The following SYT8 variants were observed in gnomAD, a reference collection of about 807,000 sequenced individuals.
The protein encoded by SYT8 is synaptotagmin-8.
SYT8 carries 50 observed loss-of-function variants against 34.9 expected under a neutral mutation model. The observed-to-expected ratio is 1.43, with a 90% CI of 1.14 to 1.81. The LOEUF is 1.81. Ranked by LOEUF, SYT8 falls within the 40% of genes most tolerant of loss-of-function variation. The pLI is 0.00. For missense variants in SYT8, 595 were observed against 529.0 expected, an observed-to-expected ratio of 1.12 and a Z score of -1.22; for synonymous variants, 255 against 234.2, an observed-to-expected ratio of 1.09 and a Z score of -0.81.
upstream of SYT8, chr11:1,834,263 C>CT (rs1353488786): frequency 4.0e-6 from 2 of 504,940 alleles, no homozygotes; most frequent in Admixed American, 7.2e-5. This position sits in a 1 kb window ranked among gnomAD's most constrained non-coding sequence, Gnocchi z 4.5. Context: ...GTACAGGGGC[C>CT]AGCAGCTGCG....
At position 1,835,210 on chromosome 11, in the gene SYT8, G is replaced by C; in HGVS notation, c.94+11G>C. 1 of 1,612,766 alleles carries C rather than the reference G, an allele frequency of 6.2e-7. No individual in the cohort carries two copies. Reference sequence around the variant, plus strand: ...TCGCCGGGACCCCCTGTGAGTTGTGGGATTCCCAAGAGGGGTGTGGGGATA... The same window carrying C: ...TCGCCGGGACCCCCTGTGAGTTGTGCGATTCCCAAGAGGGGTGTGGGGATA... On this transcript the variant is annotated intron_variant, in intron 1 of 7. Coordinates refer to ENST00000341958, the MANE Select transcript of SYT8 (RefSeq NM_001394072.1).
Position 1,835,313 on chromosome 11 carries a change from A to T in SYT8, c.112A>T (p.Ile38Phe), listed in dbSNP as rs374274962. 53 of 1,599,828 alleles carry T rather than the reference A, an allele frequency of 3.3e-5. No homozygotes were observed. The highest frequency in any genetic ancestry group is 4.5e-5 in the Non-Finnish European group (53 of 1,172,048). The change falls in exon 2 of 8, where the codon ATT (isoleucine) becomes TTT (phenylalanine). Residue 38 changes from isoleucine (I) to phenylalanine (F), a missense_variant. Transcript: ENST00000341958. Reference protein sequence around the residue: ...AGTPWPRWALIAGALAAGVLL... With the variant: ...AGTPWPRWALFAGALAAGVLL... Reference sequence around the variant, plus strand: ...TACCCCAGGGCCCCGCTGGGCTCTCATTGCCGGCGCCCTTGCCGCGGGCGT... The same window carrying T: ...TACCCCAGGGCCCCGCTGGGCTCTCTTTGCCGGCGCCCTTGCCGCGGGCGT...
Position 1,835,362 on chromosome 11 carries a change from G to GTGCTGCCTGCTGC in SYT8, c.169_181dup (p.Arg61LeufsTer34). ...GTCCTCCTCGTCTCCTGCCTCCTCT[G>GTGCTGCCTGCTGC]TGCTGCCTGCTGCTGCTGCCGCCGC... On this transcript the variant is annotated frameshift_variant, in exon 2 of 8. Transcript: ENST00000341958. LOFTEE classifies it high-confidence loss of function. The GTGCTGCCTGCTGC allele has an allele frequency of 6.2e-7, 1 of 1,606,834 alleles. No individual in the cohort carries two copies. Among genetic ancestry groups the GTGCTGCCTGCTGC allele is most frequent in the Non-Finnish European group, 8.5e-7 (1 of 1,178,442 alleles).
Position 1,836,136 on chromosome 11 carries a change from G to T in SYT8, c.368G>T (p.Gly123Val). 6.6e-7 allele frequency: 1 copy of T among 1,505,812 alleles called. No individual in the cohort carries two copies. The highest frequency in any genetic ancestry group is 8.9e-7 in the Non-Finnish European group (1 of 1,127,612). 93.3% of individuals were successfully genotyped at this position (1,505,812 alleles called of 1,614,324 possible). ...FDFGSQEIRVGLRQAADLRPG... is the reference protein window; with the variant it reads ...FDFGSQEIRVVLRQAADLRPG... Reference sequence around the variant, plus strand: ...CCCGCTGGCTCCCAGATCAGGGTGGGCCTGAGGCAGGCAGCCGACCTGAGG... The same window carrying T: ...CCCGCTGGCTCCCAGATCAGGGTGGTCCTGAGGCAGGCAGCCGACCTGAGG... The change falls in exon 4 of 8, where the codon GGC becomes GTC. Residue 123 changes from glycine to valine, a missense_variant. Transcript: ENST00000341958.
chr11:1,833,809 CGCGTGCGTGTGTGTGT>C (rs1565048979), upstream of SYT8: 1 of 145,434 alleles, frequency 6.9e-6, no homozygotes, highest in Non-Finnish European at 1.5e-5. Context: ...ATGCTGTGTG[CGCGTGCGTGTGTGTGT>C]GTGTGTGTGT....
intron 5 of SYT8, 66 bp downstream of exon 5, chr11:1,836,658 T>C: frequency 1.3e-6 from 2 of 1,594,352 alleles, no homozygotes; most frequent in South Asian, 2.2e-5. Context: ...CTATGGGCCA[T>C]CGGAAAGACA....
chr11:1,833,975 G>C (rs1162626521), upstream of SYT8: 1 of 154,510 alleles, frequency 6.5e-6, no homozygotes, highest in African/African-American at 2.4e-5. Flanking sequence ...CGATGGGATG[G>C]CCTGGGCTGG....
intron 2 of SYT8, 104 bp from the exon 3 acceptor site, chr11:1,835,782 G>T: frequency 9.7e-7 from 1 of 1,028,554 alleles, no homozygotes. Context: ...CTGGCCTGGA[G>T]GCGGGGGGTC....
At chr11:1,836,024 T>C in intron 3 of SYT8, 40 bp downstream of exon 3, 2 of 1,588,700 alleles carry the variant, frequency 1.3e-6, no homozygotes, top group South Asian at 1.1e-5. Flanking sequence ...GTTCTGCGAG[T>C]TTCCGGAAAG....
At chr11:1,835,604 T>A in intron 2 of SYT8, 145 bp downstream of exon 2, 1 of 1,001,970 alleles carries the variant, frequency 1.0e-6, no homozygotes, top group Non-Finnish European at 1.5e-6. Context: ...GCAGGGAAAG[T>A]GGGTGAACAG....
At chr11:1,835,628 G>A in intron 2 of SYT8, 169 bp downstream of exon 2, 1 of 855,456 alleles carries the variant, frequency 1.2e-6, no homozygotes, top group Non-Finnish European at 1.8e-6. Context: ...TGAGAAGGAG[G>A]CCATGCAACA....
chr11:1,837,155 C>A, intron 7 of SYT8, 37 bp from the exon 8 acceptor site: 1 of 1,592,496 alleles, frequency 6.3e-7, no homozygotes, highest in Non-Finnish European at 8.6e-7. Flanking sequence ...TGTGGTCTTT[C>A]TCCCCCAACT....
rs201187761 is a variant in SYT8, at chr11:1,837,223, G to T, written c.956G>T (p.Arg319Leu). ...NVDLVLAVWD[R>L]SLPLRTEPVG... ...GACCTGGTGCTGGCTGTCTGGGACC[G>T]CAGCCTGCCGCTCCGAACTGAGCCC... The change falls in exon 8 of 8, where the codon CGC (arginine) becomes CTC (leucine). Residue 319 changes from arginine (R) to leucine (L), a missense_variant. Physicochemically the swap from Arg to Leu is moderately radical, Grantham distance 102. Coordinates refer to ENST00000341958, the MANE Select transcript of SYT8 (RefSeq NM_001394072.1). 2 of 1,567,794 alleles carry T rather than the reference G, an allele frequency of 1.3e-6. No individual in the cohort carries two copies. The highest frequency in any genetic ancestry group is 1.8e-5 in the Admixed American group (1 of 56,124).
chr11:1,836,342 T>C, intron 4 of SYT8, 58 bp downstream of exon 4: 1 of 1,464,652 alleles, frequency 6.8e-7, no homozygotes, highest in Non-Finnish European at 9.1e-7. Context: ...CTGGGCTGGG[T>C]GGGCCTGGGC....
Position 1,837,062 on chromosome 11 carries a change from C to A in SYT8, c.896C>A (p.Thr299Asn), listed in dbSNP as rs1285150943. ...GCCCCCTACTTCAATGAGGCCTTCA[C>A]CTTCCTGGTGCCCTTCAGCCAGGTC... ...TAAPYFNEAF[T>N]FLVPFSQVQN... is the part of the protein sequence containing the mutation. The change falls in exon 7 of 8, where the codon ACC (threonine) becomes AAC (asparagine). Residue 299 changes from threonine (T) to asparagine (N), a missense_variant. Physicochemically the swap from Thr to Asn is moderately conservative, Grantham distance 65. Transcript: ENST00000341958. The A allele has an allele frequency of 6.2e-7, 1 of 1,613,700 alleles. No individual in the cohort carries two copies. Among genetic ancestry groups the A allele is most frequent in the Non-Finnish European group, 8.5e-7 (1 of 1,180,026 alleles).
upstream of SYT8, chr11:1,834,397 C>G (rs546396816): frequency 7.5e-6 from 5 of 663,922 alleles, no homozygotes; most frequent in South Asian, 8.2e-5. The surrounding 1 kb of genome is among the most constrained non-coding windows in gnomAD (Gnocchi z 4.5). Flanking sequence ...GCACCCTGCC[C>G]CTACCTGCCA....
chr11:1,835,908 T>C lies in SYT8; in HGVS notation c.281T>C (p.Leu94Pro). 1 of 1,610,610 alleles carries C rather than the reference T, an allele frequency of 6.2e-7. No individual in the cohort carries two copies. Reference sequence around the variant, plus strand: ...CAGGTGCAACCTGATGTGGATGGCCTGGAGTCCAGCCCGGGGGATGCTCAG... The same window carrying C: ...CAGGTGCAACCTGATGTGGATGGCCCGGAGTCCAGCCCGGGGGATGCTCAG... ...THLVQPDVDG[L>P]ESSPGDAQQW... The change falls in exon 3 of 8, where the codon CTG becomes CCG. Residue 94 changes from leucine to proline, a missense_variant. Physicochemically the swap from Leu to Pro is moderately conservative, Grantham distance 98. Transcript: ENST00000341958.
upstream of SYT8, among the ~76,000 whole-genome samples, chr11:1,833,216 G>A (rs11826523): frequency 9.1e-3 from 1,378 of 152,212 alleles, 24 homozygotes; most frequent in African/African-American, 0.032. Context: ...CGTGTGGGAC[G>A]CCGGACCCAC....
upstream of SYT8, among the ~76,000 whole-genome samples, chr11:1,833,166 A>G (rs1846730810): frequency 6.6e-6 from 1 of 152,104 alleles, no homozygotes; most frequent in Admixed American, 6.5e-5. Context: ...GACCCAGCCC[A>G]TTCCATCAGC....
Sources: gnomAD v4.1 joint callset for allele counts (sites outside exome capture counted in the v4.1 genomes callset) on GRCh38, gnomAD v4.1.1 for gene constraint, Gnocchi (gnomAD v3.1) non-coding constraint, MANE v1.5 for transcripts, NCBI Gene and HGNC (gene_info 2026-07-23, HGNC 2026-07-21) for gene names.